TNFRSF10B: variants seen among roughly 807,000 people sequenced by gnomAD.
TNFRSF10B encodes TNF receptor superfamily member 10b.
In TNFRSF10B, 35 loss-of-function variants were observed where a neutral mutation model predicts 41.4. The observed-to-expected ratio is 0.85, with a 90% CI of 0.65 to 1.12. The LOEUF is 1.12. Ranked by LOEUF, TNFRSF10B falls within the 50% of genes most tolerant of loss-of-function variation. The pLI, the probability that TNFRSF10B is intolerant of heterozygous loss-of-function variation, is 0.00. For missense variants in TNFRSF10B, 584 were observed against 552.7 expected (o/e 1.06, Z -0.57); for synonymous variants, 230 against 215.5 (o/e 1.07, Z -0.59).
intron 1 of TNFRSF10B, among the ~76,000 whole-genome samples, chr8:23,063,632 C>T (rs1170363312): frequency 1.3e-5 from 2 of 152,170 alleles, no homozygotes; most frequent in African/African-American, 4.8e-5. Context: ...TCATCATTTC[C>T]CTCAGATCTG....
intron 1 of TNFRSF10B, among the ~76,000 whole-genome samples, chr8:23,055,322 C>T (rs1185911955): frequency 6.6e-6 from 1 of 151,920 alleles, no homozygotes; most frequent in South Asian, 2.1e-4. Flanking sequence ...TAACAATGAC[C>T]CTCTCTCAGC....
chr8:23,030,683 G>A, intron 3 of TNFRSF10B, 76 bp downstream of exon 3: 1 of 1,120,092 alleles, frequency 8.9e-7, no homozygotes, highest in Non-Finnish European at 1.3e-6. Context: ...TAGGTCTCCT[G>A]ATCCCATTTT....
intron 2 of TNFRSF10B, among the ~76,000 whole-genome samples, chr8:23,036,016 T>C (rs1431573666): frequency 6.6e-6 from 1 of 152,184 alleles, no homozygotes; most frequent in Non-Finnish European, 1.5e-5. Flanking sequence ...TTTTGAACCT[T>C]TAGTAGCCCA....
intron 2 of TNFRSF10B, 113 bp downstream of exon 2, chr8:23,043,025 C>T: frequency 1.1e-6 from 1 of 950,724 alleles, no homozygotes; most frequent in Non-Finnish European, 1.6e-6. Flanking sequence ...GAACTGGAGG[C>T]ACCCAATGCC....
In TNFRSF10B at chr8:23,020,607, G is replaced by A. The variant is rs556819354; in HGVS notation, c.*2064C>T. 159 of 450,988 alleles carry A rather than the reference G, an allele frequency of 3.5e-4. No individual in the cohort carries two copies. The highest frequency in any genetic ancestry group is 2.5e-3 in the African/African-American group (126 of 49,912). 27.9% of individuals were successfully genotyped at this position (450,988 alleles called of 1,614,324 possible). A position where few individuals can be genotyped will look rare whatever the true frequency, so the allele number is the denominator to read the frequency against. On this transcript the variant is annotated 3_prime_UTR_variant, in exon 9 of 9. Transcript: ENST00000276431. The stretch of plus-strand genomic sequence containing the variant: ...CTCCGGAGGCTGAGGCACGAGAATC[G>A]CTTGAACCCAGGAGGCGGAGGTTGC...
chr8:23,053,732 G>C (rs1585223694), intron 1 of TNFRSF10B, among the ~76,000 whole-genome samples: 2 of 152,098 alleles, frequency 1.3e-5, no homozygotes, highest in African/African-American at 4.8e-5. Context: ...GTGTCTATAA[G>C]GTTTTATTAA....
At chr8:23,044,491 G>T (rs979489469) in intron 1 of TNFRSF10B, among the ~76,000 whole-genome samples, 2 of 152,124 alleles carry the variant, frequency 1.3e-5, no homozygotes, top group South Asian at 4.1e-4. Flanking sequence ...CCAACAATGT[G>T]ATTAAGAAAT....
At chr8:23,023,006 ACAGC>A (rs1811585884) in intron 8 of TNFRSF10B, 22 bp from the exon 9 acceptor site, 1 of 1,606,548 alleles carries the variant, frequency 6.2e-7, no homozygotes, top group African/African-American at 1.3e-5. Context: ...AGCCACAGAG[ACAGC>A]CAGGTGAGTT....
chr8:23,050,868 G>A (rs531485432), intron 1 of TNFRSF10B, among the ~76,000 whole-genome samples: 42 of 152,282 alleles, frequency 2.8e-4, no homozygotes, highest in African/African-American at 9.9e-4. Context: ...GAAGTCAGGA[G>A]TTCGAGACCA....
intron 4 of TNFRSF10B, 44 bp from the exon 5 acceptor site, chr8:23,028,646 G>A (rs750174350): frequency 4.5e-5 from 73 of 1,612,616 alleles, no homozygotes; most frequent in Non-Finnish European, 5.9e-5. Context: ...TTGATGGAAA[G>A]CTGGCCAGGT....
At chr8:23,056,909 T>C (rs1812685718) in intron 1 of TNFRSF10B, among the ~76,000 whole-genome samples, 1 of 152,158 alleles carries the variant, frequency 6.6e-6, no homozygotes, top group South Asian at 2.1e-4. Context: ...ACTTATTTTA[T>C]AGCCCAGAAT....
rs11321750 is a variant in TNFRSF10B at position 23,063,346 on chromosome 8, CAA to C, written c.144+5403_144+5404del. ...CTGGGCAGCAACAGTGAAACTGTCT[CAA>C]AAAAAAAAAAAAAAATCCATGTTTC... On this transcript the variant is annotated intron_variant, in intron 1 of 8. Transcript: ENST00000276431. Among the ~76,000 whole-genome samples, 589 of 128,814 alleles carry C rather than the reference CAA, an allele frequency of 4.6e-3. 4 individuals carry two copies. Among genetic ancestry groups the C allele is most frequent in the African/African-American group, 0.015 (532 of 35,672 alleles). The allele number at this position is 128,814 out of a possible 152,430, so 84.5% of individuals were successfully genotyped here. A position where few individuals can be genotyped will look rare whatever the true frequency, so the allele number is the denominator to read the frequency against.
chr8:23,068,700 C>G, intron 1 of TNFRSF10B, 51 bp downstream of exon 1: 3 of 1,543,414 alleles, frequency 1.9e-6, no homozygotes, highest in Non-Finnish European at 2.6e-6. Flanking sequence ...CCTGCCCTCT[C>G]CAGGCGCCAG....
At chr8:23,046,629 A>ACACAC (rs1812372374) in intron 1 of TNFRSF10B, among the ~76,000 whole-genome samples, 1 of 149,826 alleles carries the variant, frequency 6.7e-6, no homozygotes, top group Admixed American at 6.6e-5. Flanking sequence ...AAAAAAAAAA[A>ACACAC]AAAAACACAA....
At chr8:23,044,331 T>C (rs1468832052) in intron 1 of TNFRSF10B, among the ~76,000 whole-genome samples, 1 of 152,180 alleles carries the variant, frequency 6.6e-6, no homozygotes, top group Non-Finnish European at 1.5e-5. Flanking sequence ...TTGCACTATG[T>C]AAAAATTAAA....
Position 23,053,404 on chromosome 8 carries a change from A to G in TNFRSF10B, c.145-10161T>C, listed in dbSNP as rs555325904. 2.4e-3 allele frequency among the ~76,000 whole-genome samples: 366 copies of G among 152,354 alleles called. 1 individual carries two copies. The highest frequency in any genetic ancestry group is 8.4e-3 in the African/African-American group (351 of 41,578). ...AAGGAAAGTAAAATATACTTTTGGT[A>G]AAAAGATTATAAGGAGGCATGAGAA... On this transcript the variant is annotated intron_variant, in intron 1 of 8. Transcript: ENST00000276431.
intron 5 of TNFRSF10B, 36 bp from the exon 6 acceptor site, chr8:23,027,789 G>A (rs752009193): frequency 1.9e-6 from 3 of 1,613,756 alleles, no homozygotes; most frequent in South Asian, 1.1e-5. Context: ...AGGAAGGGAG[G>A]GGCCCATGAA....
chr8:23,031,159 T>G (rs1811871525), intron 2 of TNFRSF10B, among the ~76,000 whole-genome samples: 1 of 152,158 alleles, frequency 6.6e-6, no homozygotes, highest in Non-Finnish European at 1.5e-5. Flanking sequence ...CACTGCAACC[T>G]CCGCCTCCTG....
chr8:23,022,611 G>A lies in TNFRSF10B; in HGVS notation c.*60C>T. 1 of 1,588,784 alleles carries A rather than the reference G, an allele frequency of 6.3e-7. No individual in the cohort carries two copies. The highest frequency in any genetic ancestry group is 8.6e-7 in the Non-Finnish European group (1 of 1,159,234). The stretch of plus-strand genomic sequence containing the variant: ...CTTTCCTACTGACTGGAGTCCAGTT[G>A]GGCTTTTTCCAGAAAAAAGGTAAAC... On this transcript the variant is annotated 3_prime_UTR_variant, in exon 9 of 9. Transcript: ENST00000276431.
Sources: allele counts gnomAD v4.1 joint callset (sites outside exome capture counted in the v4.1 genomes callset), GRCh38; gene constraint gnomAD v4.1.1; transcripts MANE v1.5; gene names NCBI Gene and HGNC (gene_info 2026-07-23, HGNC 2026-07-21).